Variants in SCAI observed in about 807,000 individuals in gnomAD.
The protein encoded by SCAI is protein SCAI.
A neutral mutation model predicts 92.2 loss-of-function variants in SCAI; 24 were observed. The ratio of observed to expected loss-of-function variants is 0.26; its 90% CI spans 0.19 to 0.37. The LOEUF (loss-of-function observed/expected upper bound fraction) is 0.37, where lower values mean the gene tolerates loss of function less well. SCAI is among the 10% of genes least tolerant of loss of function. The probability of loss-of-function intolerance (pLI) is 1.00; values close to 1 mark genes in which losing one functional copy is unlikely to be tolerated. For synonymous variants in SCAI, 261 were observed against 258.6 expected (o/e 1.01, Z -0.09); for missense variants, 450 against 736.2 (o/e 0.61, Z 4.50).
chr9:124,968,929 C>T, intron 17 of SCAI: 6 of 408,842 alleles, frequency 1.5e-5, no homozygotes, highest in South Asian at 4.2e-5. Context: ...CAAAATTTTT[C>T]CAATTTATTT....
At chr9:124,972,782 T>C (rs1417316154) in intron 15 of SCAI, among the ~76,000 whole-genome samples, 1 of 152,170 alleles carries the variant, frequency 6.6e-6, no homozygotes, top group Non-Finnish European at 1.5e-5. Context: ...TCCCCACACC[T>C]AGTCCATCAC....
chr9:125,117,920 A>C (rs770844449), intron 2 of SCAI, among the ~76,000 whole-genome samples: 16 of 152,232 alleles, frequency 1.1e-4, no homozygotes, highest in Non-Finnish European at 1.8e-4. Context: ...TGGGTCAATC[A>C]CTTTAATTTC....
At chr9:125,105,287 C>A (rs968222832) in intron 2 of SCAI, among the ~76,000 whole-genome samples, 1 of 152,118 alleles carries the variant, frequency 6.6e-6, no homozygotes, top group Non-Finnish European at 1.5e-5. Flanking sequence ...CAGAGTGAGA[C>A]CCTGTCTCTA....
At chr9:125,119,239 T>TCTATAAA (rs1835110812) in intron 2 of SCAI, among the ~76,000 whole-genome samples, 2 of 152,180 alleles carry the variant, frequency 1.3e-5, no homozygotes, top group Admixed American at 6.6e-5. Context: ...ACCCATGAAG[T>TCTATAAA]ACATACCATT....
At chr9:125,132,278 T>C (rs1397980238) in intron 2 of SCAI, among the ~76,000 whole-genome samples, 2 of 152,076 alleles carry the variant, frequency 1.3e-5, no homozygotes, top group African/African-American at 4.8e-5. Context: ...CACGCCTGGC[T>C]AGTTTTTGTA....
chr9:124,993,806 G>T (rs562278145), intron 14 of SCAI, among the ~76,000 whole-genome samples: 1 of 152,212 alleles, frequency 6.6e-6, no homozygotes, highest in African/African-American at 2.4e-5. Context: ...TTGGTTTCCT[G>T]ATAGAAACCT....
chr9:125,051,573 G>A (rs1457151216), intron 3 of SCAI, among the ~76,000 whole-genome samples: 1 of 152,106 alleles, frequency 6.6e-6, no homozygotes, highest in African/African-American at 2.4e-5. Context: ...TTGAAGTGAT[G>A]GATATCCCAA....
At position 124,947,982 on chromosome 9, in the gene SCAI, A is replaced by C. The variant is rs771201694; in HGVS notation, c.*4825T>G. The C allele has an allele frequency of 9.9e-5, 15 of 152,216 alleles. No individual in the cohort carries two copies. The highest frequency in any genetic ancestry group is 2.2e-4 in the Non-Finnish European group (15 of 68,030). The allele number at this position is 152,216 out of a possible 1,614,324, so 9.4% of individuals were successfully genotyped here. On this transcript the variant is annotated 3_prime_UTR_variant, in exon 18 of 18. Transcript: ENST00000336505. The stretch of plus-strand genomic sequence containing the variant: ...GGCTGATTACAAGTCTCCATAAATA[A>C]AATTTTTCAGCTGGGTCCAAACTGC...
intron 9 of SCAI, among the ~76,000 whole-genome samples, chr9:125,014,624 T>G (rs1832711598): frequency 1.3e-5 from 2 of 152,170 alleles, no homozygotes. Flanking sequence ...ATTTATAGAT[T>G]CAATGCCATC....
chr9:125,033,217 A>C (rs1164581220), intron 3 of SCAI, among the ~76,000 whole-genome samples: 1 of 152,152 alleles, frequency 6.6e-6, no homozygotes, highest in Non-Finnish European at 1.5e-5. Flanking sequence ...AAATCAATTA[A>C]TTAAAATGAA....
intron 14 of SCAI, 73 bp downstream of exon 14, chr9:124,994,861 C>T: frequency 1.2e-6 from 1 of 832,436 alleles, no homozygotes. Context: ...AATAAAAAGG[C>T]ACACATTAAG....
chr9:125,052,520 GCTTGGAGGCAGGAGAATCA>G (rs1833580535), intron 3 of SCAI, among the ~76,000 whole-genome samples: 1 of 151,916 alleles, frequency 6.6e-6, no homozygotes, highest in Non-Finnish European at 1.5e-5. Context: ...CAGGAGAATC[GCTTGGAGGCAGGAGAATCA>G]CTTGAACCCA....
At chr9:125,003,325 T>C in intron 10 of SCAI, 110 bp from the exon 11 acceptor site, 1 of 1,017,940 alleles carries the variant, frequency 9.8e-7, no homozygotes, top group Non-Finnish European at 1.6e-6. Context: ...TCACACTCAG[T>C]CTTACTGTGA....
At chr9:125,010,735 T>A (rs1278838400) in intron 9 of SCAI, among the ~76,000 whole-genome samples, 4 of 152,182 alleles carry the variant, frequency 2.6e-5, no homozygotes, top group African/African-American at 9.6e-5. Flanking sequence ...CCTCCTCAAG[T>A]GGGTCCCTGA....
intron 17 of SCAI, among the ~76,000 whole-genome samples, chr9:124,955,430 T>C (rs1276876066): frequency 6.6e-6 from 1 of 151,912 alleles, no homozygotes; most frequent in Non-Finnish European, 1.5e-5. Flanking sequence ...CCGGGTGTGA[T>C]GGCCTTATTC....
At chr9:125,012,417 G>A (rs943272170) in intron 9 of SCAI, among the ~76,000 whole-genome samples, 2 of 152,064 alleles carry the variant, frequency 1.3e-5, no homozygotes, top group African/African-American at 4.8e-5. Context: ...AACCAACAAA[G>A]ATCAAAAGAG....
chr9:125,038,394 G>A (rs1833246727), intron 3 of SCAI, among the ~76,000 whole-genome samples: 1 of 152,092 alleles, frequency 6.6e-6, no homozygotes, highest in Non-Finnish European at 1.5e-5. Flanking sequence ...AGTGTACATC[G>A]GTAGTTCACC....
intron 2 of SCAI, among the ~76,000 whole-genome samples, chr9:125,114,157 A>T (rs182728595): frequency 6.6e-6 from 1 of 152,338 alleles, no homozygotes; most frequent in African/African-American, 2.4e-5. Context: ...TATGCAAACT[A>T]CAAGTTCTAG....
intron 13 of SCAI, among the ~76,000 whole-genome samples, chr9:124,997,352 C>A (rs1271794142): frequency 3.9e-5 from 6 of 152,110 alleles, no homozygotes; most frequent in Non-Finnish European, 7.3e-5. Flanking sequence ...TTCATGGGTC[C>A]CATCCCTAAG....
Sources: gnomAD v4.1 joint callset for allele counts (sites outside exome capture counted in the v4.1 genomes callset) on GRCh38, gnomAD v4.1.1 for gene constraint, MANE v1.5 for transcripts, NCBI Gene and HGNC (gene_info 2026-07-23, HGNC 2026-07-21) for gene names.